The following OR3A2 variants were observed in gnomAD, a reference collection of about 807,000 sequenced individuals.
OR3A2 encodes the protein olfactory receptor family 3 subfamily A member 2, also known as olfactory receptor 3A2.
For missense variants in OR3A2, 318 were observed against 392.8 expected (o/e 0.81, Z 1.61); for synonymous variants, 126 against 159.3 (o/e 0.79, Z 1.57).
intron 2 of OR3A2, among the ~76,000 whole-genome samples, chr17:3,360,379 C>T (rs1297645462): frequency 2.0e-5 from 3 of 151,640 alleles, no homozygotes; most frequent in African/African-American, 7.3e-5. Flanking sequence ...CCTGTTCACC[C>T]TGATGGTAGT....
chr17:3,340,166 T>C (rs775925586), intron 2 of OR3A2, among the ~76,000 whole-genome samples: 6 of 151,842 alleles, frequency 4.0e-5, no homozygotes, highest in Non-Finnish European at 7.4e-5. Flanking sequence ...TCTCTCTTCT[T>C]ATTAGTCTTG....
At chr17:3,379,431 C>T (rs1307520117) in intron 2 of OR3A2, among the ~76,000 whole-genome samples, 4 of 152,134 alleles carry the variant, frequency 2.6e-5, no homozygotes, top group African/African-American at 7.2e-5. Flanking sequence ...TAACAGAGAG[C>T]GCCAACCCTG....
intron 2 of OR3A2, among the ~76,000 whole-genome samples, chr17:3,372,902 G>GGA (rs1359379744): frequency 4.1e-5 from 6 of 146,528 alleles, no homozygotes; most frequent in African/African-American, 1.6e-4. Flanking sequence ...AGAGGGAGAG[G>GGA]GAGAGGGCTC....
At chr17:3,310,673 G>A (rs748948864) in intron 3 of OR3A2, 4 of 543,718 alleles carry the variant, frequency 7.4e-6, no homozygotes, top group Non-Finnish European at 1.5e-5. Context: ...TGACCATCAT[G>A]GCCTATGACC....
At chr17:3,320,805 G>C (rs910978827) in intron 3 of OR3A2, among the ~76,000 whole-genome samples, 12 of 152,090 alleles carry the variant, frequency 7.9e-5, no homozygotes, top group Admixed American at 5.9e-4. Flanking sequence ...TTGGAAGTCA[G>C]GTAGTGTGAT....
At chr17:3,280,079 C>T (rs2048767441) in intron 1 of OR3A2, among the ~76,000 whole-genome samples, 1 of 152,066 alleles carries the variant, frequency 6.6e-6, no homozygotes, top group Admixed American at 6.6e-5. Context: ...ATCTGCTATT[C>T]CTCTCTAAAA....
At position 3,311,578 on chromosome 17, in the gene OR3A2, A is replaced by C. The variant is rs1026571066; in HGVS notation, c.-85+24455T>G. The C allele has an allele frequency of 2.4e-6, 1 of 413,564 alleles. No individual in the cohort carries two copies. Among genetic ancestry groups the C allele is most frequent in the African/African-American group, 2.1e-5 (1 of 48,182 alleles). 25.6% of individuals were successfully genotyped at this position (413,564 alleles called of 1,614,324 possible). ...GCTCTCTTGCTCCAGCATCCACCTC[A>C]ATGGGCAGCTGCTGCTTGTGGGGGC... On this transcript the variant is annotated intron_variant, in intron 3 of 4. Coordinates refer to the OR3A2 transcript ENST00000573491. This position sits in a 1 kb window ranked among gnomAD's most constrained non-coding sequence, Gnocchi z 4.6.
At chr17:3,312,704 A>G (rs566137551) in intron 3 of OR3A2, among the ~76,000 whole-genome samples, 6 of 152,198 alleles carry the variant, frequency 3.9e-5, no homozygotes, top group Non-Finnish European at 8.8e-5. Context: ...GGCTCACTGC[A>G]GCCTCTGCCT....
intron 3 of OR3A2, among the ~76,000 whole-genome samples, chr17:3,296,880 C>A (rs949395292): frequency 1.3e-5 from 2 of 152,190 alleles, no homozygotes; most frequent in Admixed American, 6.5e-5. Flanking sequence ...TTCAAGGAAT[C>A]ATTTTTTCCA....
upstream of OR3A2, among the ~76,000 whole-genome samples, chr17:3,285,224 T>C (rs2048801112): frequency 6.6e-6 from 1 of 152,144 alleles, no homozygotes. Context: ...CTGACTCCTC[T>C]TCCCACTAAC....
chr17:3,323,715 GC>G (rs1304637903), intron 3 of OR3A2, among the ~76,000 whole-genome samples: 1 of 152,094 alleles, frequency 6.6e-6, no homozygotes, highest in East Asian at 1.9e-4. Flanking sequence ...TAGAGTTTCT[GC>G]TGAGAGATCA....
At chr17:3,338,953 T>C (rs2049293479) in intron 2 of OR3A2, among the ~76,000 whole-genome samples, 1 of 152,192 alleles carries the variant, frequency 6.6e-6, no homozygotes, top group Non-Finnish European at 1.5e-5. Context: ...TGAGCAGTGG[T>C]TTGTAGCTCT....
At chr17:3,370,499 AT>A (rs1236860825) in intron 2 of OR3A2, among the ~76,000 whole-genome samples, 1 of 151,364 alleles carries the variant, frequency 6.6e-6, no homozygotes, top group African/African-American at 2.4e-5. Context: ...TATCTTTTGT[AT>A]TTTTTGTTTG....
At position 3,311,279 on chromosome 17, in the gene OR3A2, C is replaced by T. The variant is rs1254768197; in HGVS notation, c.-85+24754G>A. 1 of 534,468 alleles carries T rather than the reference C, an allele frequency of 1.9e-6. No individual in the cohort carries two copies. Among genetic ancestry groups the T allele is most frequent in the Admixed American group, 1.9e-5 (1 of 51,436 alleles). 33.1% of individuals were successfully genotyped at this position (534,468 alleles called of 1,614,324 possible). A position where few individuals can be genotyped will look rare whatever the true frequency, so the allele number is the denominator to read the frequency against. ...GCCCACCAGTGCAGAGTTCCCTATGCTGCCTGCAGTTCACAGCTCTTCTTT... is the reference window on the plus strand; with the variant it reads ...GCCCACCAGTGCAGAGTTCCCTATGTTGCCTGCAGTTCACAGCTCTTCTTT... On this transcript the variant is annotated intron_variant, in intron 3 of 4. Transcript: ENST00000573491. This position sits in a 1 kb window ranked among gnomAD's most constrained non-coding sequence, Gnocchi z 4.6.
intron 3 of OR3A2, among the ~76,000 whole-genome samples, chr17:3,333,551 C>G (rs910876233): frequency 6.6e-6 from 1 of 152,156 alleles, no homozygotes; most frequent in African/African-American, 2.4e-5. Flanking sequence ...ACATCACGGA[C>G]CTGCCAATAT....
intron 2 of OR3A2, among the ~76,000 whole-genome samples, chr17:3,338,170 A>G (rs1474901704): frequency 6.6e-6 from 1 of 152,196 alleles, no homozygotes; most frequent in Non-Finnish European, 1.5e-5. Flanking sequence ...TCTGGACATT[A>G]GCCCTTTGTC....
At chr17:3,341,747 G>A (rs2049320788) in intron 2 of OR3A2, among the ~76,000 whole-genome samples, 1 of 152,102 alleles carries the variant, frequency 6.6e-6, no homozygotes, top group Non-Finnish European at 1.5e-5. Flanking sequence ...GTGTCTTGGA[G>A]TTGCTCTTCT....
chr17:3,294,879 T>G (rs1418942760), intron 3 of OR3A2, among the ~76,000 whole-genome samples: 1 of 152,168 alleles, frequency 6.6e-6, no homozygotes, highest in Admixed American at 6.5e-5. Flanking sequence ...TAAAGTTAAG[T>G]TGGCAATCTG....
chr17:3,309,284 C>A (rs1242691419), intron 3 of OR3A2, among the ~76,000 whole-genome samples: 1 of 152,142 alleles, frequency 6.6e-6, no homozygotes, highest in Non-Finnish European at 1.5e-5. Flanking sequence ...CAGTTCATGG[C>A]ACTGTAAAAG....
Sources: gnomAD v4.1 joint callset for allele counts (sites outside exome capture counted in the v4.1 genomes callset) on GRCh38, gnomAD v4.1.1 for gene constraint, Gnocchi (gnomAD v3.1) non-coding constraint, MANE v1.5 for transcripts, NCBI Gene and HGNC (gene_info 2026-07-23, HGNC 2026-07-21) for gene names.